FGD4: variants seen among roughly 807,000 people sequenced by gnomAD.
FGD4 encodes FYVE, RhoGEF and PH domain-containing protein 4.
A neutral mutation model predicts 102.0 loss-of-function variants in FGD4; 42 were observed. The observed-to-expected ratio is 0.41, with a 90% CI of 0.32 to 0.53. FGD4 has a LOEUF of 0.53. FGD4 is among the 20% of genes least tolerant of loss of function. FGD4 has a pLI of 0.21. For missense variants in FGD4, 902 were observed against 1,078.2 expected, an observed-to-expected ratio of 0.84 and a Z score of 2.29; for synonymous variants, 380 against 375.7, an observed-to-expected ratio of 1.01 and a Z score of -0.13.
chr12:32,531,425 T>G (rs1259700405), intron 1 of FGD4, among the ~76,000 whole-genome samples: 1 of 152,162 alleles, frequency 6.6e-6, no homozygotes, highest in Admixed American at 6.5e-5. Flanking sequence ...AACAGTCCCT[T>G]TAGTTCCAAA....
At chr12:32,440,981 C>T (rs1469168255) in intron 1 of FGD4, among the ~76,000 whole-genome samples, 1 of 152,178 alleles carries the variant, frequency 6.6e-6, no homozygotes, top group Admixed American at 6.5e-5. Flanking sequence ...TCCTTTAAGG[C>T]CCAAGGTCTC....
intron 1 of FGD4, among the ~76,000 whole-genome samples, chr12:32,471,802 G>A (rs569624074): frequency 9.9e-5 from 15 of 152,252 alleles, no homozygotes; most frequent in African/African-American, 3.4e-4. Context: ...GGCAGTGGAT[G>A]CTACCCACAC....
intron 9 of FGD4, 42 bp downstream of exon 9, chr12:32,610,876 A>ATT: frequency 1.3e-6 from 2 of 1,571,630 alleles, no homozygotes; most frequent in Middle Eastern, 1.7e-4. Flanking sequence ...TGATTAGACA[A>ATT]TTATCAATAA....
chr12:32,576,784 C>T (rs1420421997), intron 3 of FGD4, among the ~76,000 whole-genome samples: 1 of 152,110 alleles, frequency 6.6e-6, no homozygotes, highest in Non-Finnish European at 1.5e-5. Flanking sequence ...CTGTGGGACG[C>T]TCAATATCTG....
chr12:32,550,686 A>G (rs933601256), intron 1 of FGD4, among the ~76,000 whole-genome samples: 1 of 151,248 alleles, frequency 6.6e-6, no homozygotes, highest in African/African-American at 2.4e-5. Context: ...AAAAAAAAAA[A>G]AAAAAGAAAG....
chr12:32,443,253 A>C (rs1300392885), intron 1 of FGD4, among the ~76,000 whole-genome samples: 2 of 152,288 alleles, frequency 1.3e-5, no homozygotes, highest in East Asian at 3.9e-4. Flanking sequence ...AGAATAGAAA[A>C]ATTGGCTAGG....
chr12:32,602,440 C>A (rs999711589), intron 7 of FGD4, 123 bp downstream of exon 7: 82 of 1,089,086 alleles, frequency 7.5e-5, no homozygotes, highest in Middle Eastern at 2.7e-4. Flanking sequence ...TCATTCTACT[C>A]CAAATTATGC....
intron 1 of FGD4, among the ~76,000 whole-genome samples, chr12:32,526,166 A>G (rs979105455): frequency 6.6e-6 from 1 of 152,232 alleles, no homozygotes; most frequent in Non-Finnish European, 1.5e-5. Context: ...GAGTCTTTAT[A>G]TCTAGCTCAG....
chr12:32,570,902 G>A (rs1945609067), intron 2 of FGD4, among the ~76,000 whole-genome samples: 2 of 152,100 alleles, frequency 1.3e-5, no homozygotes, highest in Admixed American at 6.5e-5. Flanking sequence ...CAGATGAAGG[G>A]CATTCTTATA....
Position 32,506,426 on chromosome 12 carries a change from C to A in FGD4, c.167-57711C>A, listed in dbSNP as rs1938745870. Among the ~76,000 whole-genome samples, 2 of 152,154 alleles carry A rather than the reference C, an allele frequency of 1.3e-5. No individual in the cohort carries two copies. The highest frequency in any genetic ancestry group is 4.1e-4 in the South Asian group (2 of 4,822). ...AAATGATCAGAGTGCTGCCTAGTCA[C>A]TGTGGATCCCAAAGCAGGTGGGGGA... On this transcript the variant is annotated intron_variant, in intron 1 of 16. Transcript: ENST00000534526. The surrounding 1 kb of genome is among the most constrained non-coding windows in gnomAD (Gnocchi z 4.5).
chr12:32,459,188 G>GC (rs1943030459), intron 1 of FGD4, among the ~76,000 whole-genome samples: 1 of 126,240 alleles, frequency 7.9e-6, no homozygotes, highest in South Asian at 2.7e-4. Context: ...GTTTGACACT[G>GC]CTTTTTTTTT....
chr12:32,430,489 TA>T (rs1306817117), intron 1 of FGD4, among the ~76,000 whole-genome samples: 2 of 152,192 alleles, frequency 1.3e-5, no homozygotes, highest in South Asian at 2.1e-4. Context: ...AGTTACCTAC[TA>T]AATTTTGAAG....
At chr12:32,624,483 T>TC (rs773510246) in intron 12 of FGD4, 31 bp downstream of exon 12, 1 of 949,004 alleles carries the variant, frequency 1.1e-6, no homozygotes, top group East Asian at 4.0e-5. Flanking sequence ...CTTTTCTTTC[T>TC]TTTTTTTTTT....
intron 2 of FGD4, among the ~76,000 whole-genome samples, chr12:32,573,195 A>T (rs1945823967): frequency 6.6e-6 from 1 of 152,106 alleles, no homozygotes; most frequent in Non-Finnish European, 1.5e-5. Context: ...TCCCGGGTTC[A>T]CGCCATTCTC....
intron 4 of FGD4, 133 bp downstream of exon 4, chr12:32,582,600 C>A: frequency 2.6e-6 from 3 of 1,175,482 alleles, no homozygotes; most frequent in South Asian, 1.3e-5. Flanking sequence ...GATTTTCAAG[C>A]TCTGGCTGCT....
At chr12:32,563,504 C>G (rs537594497) in intron 1 of FGD4, among the ~76,000 whole-genome samples, 3 of 150,822 alleles carry the variant, frequency 2.0e-5, no homozygotes, top group South Asian at 2.1e-4. Flanking sequence ...AGAGACACTC[C>G]TCACTTTCCA....
chr12:32,405,116 G>A lies in FGD4; in HGVS notation c.166+5157G>A, dbSNP rs539342497. Among the ~76,000 whole-genome samples the A allele has an allele frequency of 2.6e-5, 4 of 151,834 alleles. No homozygotes were observed. In the East Asian group the frequency reaches 7.8e-4, roughly 29 times the overall value. On this transcript the variant is annotated intron_variant, in intron 1 of 16. Coordinates refer to ENST00000534526, the MANE Select transcript of FGD4 (RefSeq NM_001370298.3). ...ACCCGGCTAATTTTTTGTATTTTTA[G>A]TAGAGACGGGGTTTCACCGTGTTAG... is the stretch of plus-strand genomic sequence containing the variant.
At position 32,564,049 on chromosome 12, in the gene FGD4, G is replaced by A. The variant is rs1485963221; in HGVS notation, c.167-88G>A. 4.0e-6 allele frequency: 5 copies of A among 1,241,016 alleles called. No homozygotes were observed. The South Asian group carries it at 4.6e-5, about 11-fold the overall frequency. 76.9% of individuals were successfully genotyped at this position (1,241,016 alleles called of 1,614,324 possible). On this transcript the variant is annotated intron_variant, in intron 1 of 16. Transcript: ENST00000534526. Reference sequence around the variant, plus strand: ...AGAGGGAGGGGGAGGGGGAGGGAGAGGGAGTGGGAGAGGGGAAATTTAACT... The same window carrying A: ...AGAGGGAGGGGGAGGGGGAGGGAGAAGGAGTGGGAGAGGGGAAATTTAACT...
chr12:32,470,396 T>G (rs1283586873), intron 1 of FGD4, among the ~76,000 whole-genome samples: 1 of 152,146 alleles, frequency 6.6e-6, no homozygotes, highest in East Asian at 1.9e-4. Context: ...CTCGTTGCCA[T>G]GACAGGTTTC....
Sources: gnomAD v4.1 joint callset for allele counts (sites outside exome capture counted in the v4.1 genomes callset) on GRCh38, gnomAD v4.1.1 for gene constraint, Gnocchi (gnomAD v3.1) non-coding constraint, MANE v1.5 for transcripts, NCBI Gene and HGNC (gene_info 2026-07-23, HGNC 2026-07-21) for gene names.